Variants in ZPLD1 observed in about 807,000 individuals in gnomAD.
The protein encoded by ZPLD1 is zona pellucida like domain containing 1.
ZPLD1 carries 34 observed loss-of-function variants against 47.2 expected under a neutral mutation model. The observed-to-expected ratio is 0.72, with a 90% CI of 0.55 to 0.96. The LOEUF (loss-of-function observed/expected upper bound fraction) is 0.96, where lower values mean the gene tolerates loss of function less well. Ranked by LOEUF, ZPLD1 falls within the 40% of genes least tolerant of loss-of-function variation. ZPLD1 has a pLI of 0.00. For synonymous variants in ZPLD1, 176 were observed against 186.2 expected, an observed-to-expected ratio of 0.95 and a Z score of 0.45; for missense variants, 512 against 505.8, an observed-to-expected ratio of 1.01 and a Z score of -0.12.
chr3:102,412,858 A>G (rs549430144), intron 7 of ZPLD1, among the ~76,000 whole-genome samples: 1 of 151,674 alleles, frequency 6.6e-6, no homozygotes, highest in African/African-American at 2.4e-5. Context: ...TGTGTGTGCA[A>G]GAGAGGGAGA....
chr3:102,410,075 T>C (rs949683990), intron 7 of ZPLD1, among the ~76,000 whole-genome samples: 1 of 151,846 alleles, frequency 6.6e-6, no homozygotes, highest in African/African-American at 2.4e-5. Context: ...AGTTTTAGTG[T>C]TTTACCTCCT....
At position 102,457,804 on chromosome 3, in the gene ZPLD1, G is replaced by A; in HGVS notation, c.533G>A (p.Arg178Lys). The change falls in exon 6 of 12, where the codon AGA (arginine) becomes AAA (lysine). Residue 178 changes from arginine to lysine, a missense_variant. Coordinates refer to ENST00000466937, the MANE Select transcript of ZPLD1 (RefSeq NM_001329788.2). Reference sequence around the variant, plus strand: ...AGGTCCTCAGCGGCTATTTCTGTGAGAGAGAACAATGGCACATTTGTCAGC... The same window carrying A: ...AGGTCCTCAGCGGCTATTTCTGTGAAAGAGAACAATGGCACATTTGTCAGC... ...LASSSAAISV[R>K]ENNGTFVSTL... 1.9e-6 allele frequency: 3 copies of A among 1,613,908 alleles called. No homozygotes were observed. Among genetic ancestry groups the A allele is most frequent in the Non-Finnish European group, 2.5e-6 (3 of 1,179,928 alleles).
chr3:102,386,000 G>A (rs960334437), intron 6 of ZPLD1, among the ~76,000 whole-genome samples: 10 of 151,960 alleles, frequency 6.6e-5, no homozygotes, highest in African/African-American at 2.2e-4. Flanking sequence ...TTGACTAGTG[G>A]GTTTCTTCGA....
chr3:102,456,542 A>AT (rs967402979), intron 5 of ZPLD1, among the ~76,000 whole-genome samples, 168 bp downstream of exon 5: 9 of 125,942 alleles, frequency 7.1e-5, no homozygotes, highest in Non-Finnish European at 8.5e-5. Flanking sequence ...CTGTTTATCT[A>AT]TTATATCTAT....
intron 7 of ZPLD1, among the ~76,000 whole-genome samples, chr3:102,415,213 G>A (rs1338254210): frequency 6.6e-6 from 1 of 151,788 alleles, no homozygotes. Context: ...CATTTTGTAA[G>A]TAACTGAAAA....
chr3:102,392,762 A>G (rs1240900943), intron 7 of ZPLD1, among the ~76,000 whole-genome samples: 2 of 152,156 alleles, frequency 1.3e-5, no homozygotes, highest in African/African-American at 2.4e-5. Flanking sequence ...ATTAATTTAC[A>G]ACATAAATTT....
At chr3:102,408,891 A>G (rs574690016) in intron 7 of ZPLD1, among the ~76,000 whole-genome samples, 6 of 151,978 alleles carry the variant, frequency 3.9e-5, no homozygotes, top group Admixed American at 1.3e-4. Context: ...TAAACAAACA[A>G]ATGTGATAGC....
At chr3:102,450,901 A>G (rs1284397499) in intron 3 of ZPLD1, among the ~76,000 whole-genome samples, 2 of 152,344 alleles carry the variant, frequency 1.3e-5, no homozygotes, top group East Asian at 3.8e-4. Flanking sequence ...GCATTTAAAT[A>G]GTTAATGTTG....
chr3:102,388,457 G>GTC (rs1471320468), intron 6 of ZPLD1, among the ~76,000 whole-genome samples: 13 of 102,988 alleles, frequency 1.3e-4, no homozygotes, highest in Non-Finnish European at 2.2e-4. Context: ...CTCTCTGTCT[G>GTC]TGTGTGTGTG....
chr3:102,433,682 A>G (rs943818886), upstream of ZPLD1, among the ~76,000 whole-genome samples: 4 of 151,902 alleles, frequency 2.6e-5, no homozygotes, highest in Admixed American at 2.6e-4. Flanking sequence ...ACCCGCCACC[A>G]CGCCCGGCTA....
At position 102,477,563 on chromosome 3, in the gene ZPLD1, G is replaced by A. The variant is rs1242216427; in HGVS notation, c.1193G>A (p.Arg398Lys). ...LLLCSLALLH[R>K]KGPTSLVLNG... is the part of the protein sequence containing the mutation. ...CTGTGCTCACTGGCCCTTCTGCACA[G>A]GAAGGGACCCACAAGTTTAGTGTTG... Residue 398 changes from arginine (R) to lysine (K), a missense_variant, in exon 12 of 12, where the codon AGG (arginine) becomes AAG (lysine). By Grantham distance (26) the Arg-to-Lys change is conservative. Transcript: ENST00000466937. The A allele has an allele frequency of 1.2e-6, 2 of 1,613,722 alleles. No homozygotes were observed. Among genetic ancestry groups the A allele is most frequent in the South Asian group, 2.2e-5 (2 of 91,062 alleles).
chr3:102,469,336 A>G (rs1707647610), intron 9 of ZPLD1, among the ~76,000 whole-genome samples: 1 of 152,202 alleles, frequency 6.6e-6, no homozygotes, highest in Non-Finnish European at 1.5e-5. Flanking sequence ...TACAGAGATG[A>G]GGTGTGCACA....
chr3:102,450,070 G>A (rs553710684), intron 3 of ZPLD1, among the ~76,000 whole-genome samples: 4 of 152,258 alleles, frequency 2.6e-5, no homozygotes, highest in Admixed American at 6.5e-5. Context: ...AAACAGAGTG[G>A]CATACCTTAG....
At chr3:102,421,365 A>G (rs1340535120) in intron 8 of ZPLD1, among the ~76,000 whole-genome samples, 2 of 151,860 alleles carry the variant, frequency 1.3e-5, no homozygotes, top group African/African-American at 4.8e-5. Flanking sequence ...TCTATTTCAA[A>G]TGTAATTTAT....
chr3:102,432,718 TTA>T (rs1393197377), upstream of ZPLD1, among the ~76,000 whole-genome samples: 1 of 152,182 alleles, frequency 6.6e-6, no homozygotes, highest in East Asian at 1.9e-4. Flanking sequence ...ATGCAGATTT[TTA>T]AAGTGTCCAA....
chr3:102,452,972 A>C lies in ZPLD1; in HGVS notation c.160A>C (p.Asn54His). 2 of 1,614,094 alleles carry C rather than the reference A, an allele frequency of 1.2e-6. No homozygotes were observed. Among genetic ancestry groups the C allele is most frequent in the Non-Finnish European group, 1.7e-6 (2 of 1,179,946 alleles). The change falls in exon 4 of 12, where the codon AAT becomes CAT. Residue 54 changes from asparagine to histidine, a missense_variant. Physicochemically the swap from Asn to His is moderately conservative, Grantham distance 68. Coordinates refer to ENST00000466937, the MANE Select transcript of ZPLD1 (RefSeq NM_001329788.2). ...CGVQAITMKI[N>H]FCTVLFSGYS... Reference sequence around the variant, plus strand: ...AGTGCAGGCTATTACGATGAAGATTAATTTTTGCACGGTACTTTTCTCGGG... The same window carrying C: ...AGTGCAGGCTATTACGATGAAGATTCATTTTTGCACGGTACTTTTCTCGGG...
Position 102,464,205 on chromosome 3 carries a change from C to G in ZPLD1, c.715C>G (p.Pro239Ala), listed in dbSNP as rs758778502. The G allele has an allele frequency of 6.2e-7, 1 of 1,613,030 alleles. No individual in the cohort carries two copies. Among genetic ancestry groups the G allele is most frequent in the Non-Finnish European group, 8.5e-7 (1 of 1,179,214 alleles). The part of the protein sequence containing the change: ...NVLMDYCYTT[P>A]SGNPNDDIRY... ...TTTAATGGATTATTGCTATACTACCCCATCAGGAAACCCAAATGATGACAT... is the reference window on the plus strand; with the variant it reads ...TTTAATGGATTATTGCTATACTACCGCATCAGGAAACCCAAATGATGACAT... The change falls in exon 8 of 12, where the codon CCA (proline) becomes GCA (alanine). Residue 239 changes from proline (P) to alanine (A), a missense_variant. By Grantham distance (27) the Pro-to-Ala change is conservative. Coordinates refer to ENST00000466937, the MANE Select transcript of ZPLD1 (RefSeq NM_001329788.2).
intron 6 of ZPLD1, among the ~76,000 whole-genome samples, chr3:102,390,908 T>G (rs766791544): frequency 6.6e-6 from 1 of 152,016 alleles, no homozygotes; most frequent in African/African-American, 2.4e-5. Flanking sequence ...AATTAGCATG[T>G]AAGCCCAGTG....
intron 8 of ZPLD1, among the ~76,000 whole-genome samples, chr3:102,466,541 C>T (rs1224371917): frequency 6.6e-6 from 1 of 151,916 alleles, no homozygotes; most frequent in Non-Finnish European, 1.5e-5. Context: ...CAAAAAGCAT[C>T]ATGGTTATGA....
Sources: allele counts gnomAD v4.1 joint callset (sites outside exome capture counted in the v4.1 genomes callset), GRCh38; gene constraint gnomAD v4.1.1; transcripts MANE v1.5; gene names NCBI Gene and HGNC (gene_info 2026-07-23, HGNC 2026-07-21).